Variants in WNT11 observed in about 807,000 individuals in gnomAD.
WNT11 encodes Wnt family member 11, also known as protein Wnt-11.
In WNT11, 20 loss-of-function variants were observed where a neutral mutation model predicts 35.6. The observed-to-expected ratio is 0.56, with a 90% confidence interval of 0.40 to 0.82. WNT11 has a LOEUF of 0.82. WNT11 is among the 40% of genes least tolerant of loss of function. The pLI is 0.00. For synonymous variants in WNT11, 200 were observed against 211.9 expected, an observed-to-expected ratio of 0.94 and a Z score of 0.49; for missense variants, 459 against 504.4, an observed-to-expected ratio of 0.91 and a Z score of 0.86.
upstream of WNT11, among the ~76,000 whole-genome samples, chr11:76,207,735 G>C (rs931045996): frequency 1.3e-5 from 2 of 152,218 alleles, no homozygotes; most frequent in Non-Finnish European, 1.5e-5. Context: ...GGGCTGGCGC[G>C]GTGTTGCCTC....
intron 1 of WNT11, among the ~76,000 whole-genome samples, chr11:76,201,484 T>C (rs1323546949): frequency 6.6e-6 from 1 of 152,124 alleles, no homozygotes; most frequent in Non-Finnish European, 1.5e-5. Context: ...GACATCTTGC[T>C]CGCTTCACTC....
intron 4 of WNT11, chr11:76,190,933 C>G (rs1388134005): frequency 6.6e-6 from 1 of 152,476 alleles, no homozygotes; most frequent in African/African-American, 2.4e-5. Context: ...CCCTGGCTCC[C>G]TCACTCTCCT....
chr11:76,198,355 C>T (rs1953320290), intron 1 of WNT11, among the ~76,000 whole-genome samples: 1 of 152,198 alleles, frequency 6.6e-6, no homozygotes, highest in Non-Finnish European at 1.5e-5. Flanking sequence ...TACCTGTGGG[C>T]AGCCTCCCTG....
At chr11:76,209,095 T>A (rs1360512447), upstream of WNT11, among the ~76,000 whole-genome samples, 1 of 152,164 alleles carries the variant, frequency 6.6e-6, no homozygotes, top group Non-Finnish European at 1.5e-5. Context: ...GAGTGCCCCC[T>A]GTGTCCTGGT....
intron 1 of WNT11, among the ~76,000 whole-genome samples, chr11:76,205,679 C>T (rs1237273210): frequency 6.6e-6 from 1 of 152,164 alleles, no homozygotes; most frequent in Non-Finnish European, 1.5e-5. Context: ...CCTGAGCAGG[C>T]ACTCCCTTCA....
At chr11:76,196,226 C>T (rs1386724451) in intron 2 of WNT11, among the ~76,000 whole-genome samples, 1 of 152,220 alleles carries the variant, frequency 6.6e-6, no homozygotes, top group African/African-American at 2.4e-5. Context: ...GGTACATGTG[C>T]TGTCCAGGCT....
At chr11:76,197,608 A>G (rs914973298) in intron 1 of WNT11, among the ~76,000 whole-genome samples, 6 of 152,110 alleles carry the variant, frequency 3.9e-5, no homozygotes, top group African/African-American at 1.4e-4. Flanking sequence ...CAACTCAGGG[A>G]GTCTATTGAG....
intron 1 of WNT11, among the ~76,000 whole-genome samples, chr11:76,200,377 C>A (rs1262113732): frequency 6.6e-6 from 1 of 152,238 alleles, no homozygotes; most frequent in Non-Finnish European, 1.5e-5. Context: ...TGCCTTACTT[C>A]CTGGGTGGGC....
chr11:76,193,885 G>C (rs536534641), intron 3 of WNT11, among the ~76,000 whole-genome samples: 1 of 152,282 alleles, frequency 6.6e-6, no homozygotes, highest in African/African-American at 2.4e-5. Context: ...GGGCCTGCCC[G>C]AGTTGTTCTG....
intron 4 of WNT11, among the ~76,000 whole-genome samples, chr11:76,190,041 C>T (rs1370234251): frequency 7.4e-6 from 1 of 135,310 alleles, no homozygotes; most frequent in Non-Finnish European, 1.7e-5. Flanking sequence ...GGCCTGGCAG[C>T]CTGAGGGCAC....
chr11:76,204,950 C>T (rs1013513097), intron 1 of WNT11, among the ~76,000 whole-genome samples: 3 of 152,064 alleles, frequency 2.0e-5, no homozygotes, highest in Non-Finnish European at 2.9e-5. Context: ...AAAATGGTGG[C>T]GGTGGATGAG....
chr11:76,199,869 C>T (rs10400322), intron 1 of WNT11, among the ~76,000 whole-genome samples: 53,511 of 151,932 alleles, frequency 0.35, 9,784 homozygotes, highest in African/African-American at 0.44. Flanking sequence ...TTGGACCAGA[C>T]GGAGTGAGAA....
rs1953109835 is a variant in WNT11 at position 76,187,177 on chromosome 11, T to C, written c.953A>G (p.Tyr318Cys). ...GACCACGCGGTCTGTGTAGGGGTTG[T>C]AGCCACGCCCGCAGCACATAAGGTC... ...SCDLMCCGRG[Y>C]NPYTDRVVER... Residue 318 changes from tyrosine (Y) to cysteine (C), a missense_variant, in exon 5 of 5, where the codon TAC (tyrosine) becomes TGC (cysteine). Transcript: ENST00000322563. 1.2e-6 allele frequency: 2 copies of C among 1,610,762 alleles called. No individual in the cohort carries two copies. Among genetic ancestry groups the C allele is most frequent in the Admixed American group, 1.7e-5 (1 of 60,000 alleles).
At position 76,195,680 on chromosome 11, in the gene WNT11, G is replaced by A. The variant is rs181126041; in HGVS notation, c.319+803C>T. ...TACGGCACTCAGGAGCCTCAGCTGC[G>A]GGGCCCTGGCCATCGGTCCGAGCCA... On this transcript the variant is annotated intron_variant, in intron 2 of 4. Coordinates refer to ENST00000322563, the MANE Select transcript of WNT11 (RefSeq NM_004626.3). 6.7e-3 allele frequency among the ~76,000 whole-genome samples: 1,028 copies of A among 152,304 alleles called. 8 individuals are homozygous for A. The highest frequency in any genetic ancestry group is 0.023 in the African/African-American group (974 of 41,562).
chr11:76,206,544 G>A (rs1953478643), upstream of WNT11: 1 of 1,221,540 alleles, frequency 8.2e-7, no homozygotes, highest in African/African-American at 1.6e-5. Flanking sequence ...CGGCGCGCGG[G>A]CGGGGGAGGC....
chr11:76,196,455 T>A (rs747067144), intron 2 of WNT11, 28 bp downstream of exon 2: 2 of 1,609,898 alleles, frequency 1.2e-6, no homozygotes, highest in South Asian at 2.2e-5. Context: ...CGCACCCACA[T>A]GCATTCAGCA....
Position 76,196,643 on chromosome 11 carries a change from A to G in WNT11, c.159T>C (p.Ser53=), listed in dbSNP as rs1565194275. The G allele has an allele frequency of 6.2e-7, 1 of 1,613,618 alleles. No individual in the cohort carries two copies. Among genetic ancestry groups the G allele is most frequent in the Non-Finnish European group, 8.5e-7 (1 of 1,180,040 alleles). Residue 53 remains serine, a synonymous_variant, in exon 2 of 5, where the codon TCT becomes TCC. Transcript: ENST00000322563. The part of the protein sequence containing the change: ...QHCKQLEGLV[S]AQVQLCRSNL... Reference sequence around the variant, plus strand: ...TGCTGCGGCACAGCTGCACCTGTGCAGACACCAGACCCTCCAGCTGCTTGC... The same window carrying G: ...TGCTGCGGCACAGCTGCACCTGTGCGGACACCAGACCCTCCAGCTGCTTGC...
Position 76,200,115 on chromosome 11 carries a change from G to A in WNT11, c.84-3397C>T, listed in dbSNP as rs1953351722. On this transcript the variant is annotated intron_variant, in intron 1 of 4. Transcript: ENST00000322563. ...AGATAGAAACCTTCCCAGAGACCCA[G>A]AAAGCAGGGCCTGGTGTCTGTGGTT... Among the ~76,000 whole-genome samples, 3 of 147,526 alleles carry A rather than the reference G, an allele frequency of 2.0e-5. No homozygotes were observed. In the South Asian group the frequency reaches 7.0e-4, roughly 34 times the overall value.
Position 76,194,508 on chromosome 11 carries a change from C to T in WNT11, c.597+59G>A. ...CCACCACTGGGGCAAGCTGGGTGGC[C>T]CTTTTCTGGCCAATGGCACAAGCAC... On this transcript the variant is annotated intron_variant, in intron 3 of 4. Coordinates refer to ENST00000322563, the MANE Select transcript of WNT11 (RefSeq NM_004626.3). This position sits in a 1 kb window ranked among gnomAD's most constrained non-coding sequence, Gnocchi z 5.4. 1 of 1,475,890 alleles carries T rather than the reference C, an allele frequency of 6.8e-7. No individual in the cohort carries two copies. Among genetic ancestry groups the T allele is most frequent in the Non-Finnish European group, 9.0e-7 (1 of 1,107,594 alleles). 91.4% of individuals were successfully genotyped at this position (1,475,890 alleles called of 1,614,324 possible).
Sources: allele counts gnomAD v4.1 joint callset (sites outside exome capture counted in the v4.1 genomes callset), GRCh38; gene constraint gnomAD v4.1.1; non-coding constraint Gnocchi (gnomAD v3.1); transcripts MANE v1.5; gene names NCBI Gene and HGNC (gene_info 2026-07-23, HGNC 2026-07-21).